The following SYT2 variants were observed in gnomAD, a reference collection of about 807,000 sequenced individuals.
SYT2 encodes synaptotagmin 2.
In SYT2, 15 loss-of-function variants were observed where a neutral mutation model predicts 39.9. The ratio of observed to expected loss-of-function variants is 0.38; its 90% CI spans 0.25 to 0.58. The LOEUF (loss-of-function observed/expected upper bound fraction) is 0.58. Ranked by LOEUF, SYT2 falls within the 20% of genes least tolerant of loss-of-function variation. SYT2 has a pLI of 0.70. For synonymous variants in SYT2, 181 were observed against 204.5 expected, an observed-to-expected ratio of 0.89 and a Z score of 0.98; for missense variants, 389 against 530.3, an observed-to-expected ratio of 0.73 and a Z score of 2.62.
chr1:202,699,015 T>TC (rs1386658021), intron 1 of SYT2, among the ~76,000 whole-genome samples: 1 of 144,920 alleles, frequency 6.9e-6, no homozygotes, highest in African/African-American at 2.5e-5. Flanking sequence ...ACTGTCTTTT[T>TC]TTTTTTTTTT....
chr1:202,658,147 C>T (rs757016139), intron 1 of SYT2, among the ~76,000 whole-genome samples: 11 of 152,048 alleles, frequency 7.2e-5, no homozygotes, highest in Admixed American at 1.3e-4. Flanking sequence ...AGGGTCCTTT[C>T]GGCTCTGATA....
At chr1:202,706,446 G>A (rs751555385) in intron 1 of SYT2, among the ~76,000 whole-genome samples, 1 of 152,120 alleles carries the variant, frequency 6.6e-6, no homozygotes, top group Non-Finnish European at 1.5e-5. Flanking sequence ...GCCAGGCACT[G>A]TTCTACACGC....
chr1:202,660,335 A>G (rs1258224016), intron 1 of SYT2, among the ~76,000 whole-genome samples: 1 of 152,222 alleles, frequency 6.6e-6, no homozygotes, highest in Non-Finnish European at 1.5e-5. Context: ...GAGGAAAAGT[A>G]ATACTTCATA....
In SYT2 at chr1:202,596,289, A is replaced by C; in HGVS notation, c.*468T>G. 1 of 100,332 alleles carries C rather than the reference A, an allele frequency of 1.0e-5. No individual in the cohort carries two copies. Among genetic ancestry groups the C allele is most frequent in the Non-Finnish European group, 1.9e-5 (1 of 51,282 alleles). 6.2% of individuals were successfully genotyped at this position (100,332 alleles called of 1,614,324 possible). On this transcript the variant is annotated 3_prime_UTR_variant, in exon 9 of 9. Transcript: ENST00000367268. ...CAAAGACACACACACACACACACAC[A>C]CACACACACACACACACATACACAC...
chr1:202,698,899 A>C (rs1654040609), intron 1 of SYT2, among the ~76,000 whole-genome samples: 1 of 152,114 alleles, frequency 6.6e-6, no homozygotes. Context: ...AGACAGGCCA[A>C]GGGAAGCACT....
chr1:202,699,488 T>C (rs1654058707), intron 1 of SYT2, among the ~76,000 whole-genome samples: 2 of 152,228 alleles, frequency 1.3e-5, no homozygotes, highest in African/African-American at 4.8e-5. Flanking sequence ...CAAACTTGAA[T>C]CTGGATGTTA....
chr1:202,667,199 G>A (rs1214750891), intron 1 of SYT2, among the ~76,000 whole-genome samples: 1 of 151,536 alleles, frequency 6.6e-6, no homozygotes, highest in East Asian at 1.9e-4. Context: ...CTAGGGCTGG[G>A]AGGAAAAAAA....
chr1:202,611,556 A>G (rs1690884725), intron 1 of SYT2, among the ~76,000 whole-genome samples: 1 of 152,020 alleles, frequency 6.6e-6, no homozygotes, highest in Admixed American at 6.5e-5. Flanking sequence ...GGGTTTTACC[A>G]TGTTGGCCAG....
intron 1 of SYT2, among the ~76,000 whole-genome samples, chr1:202,629,867 T>TGGGGGGG (rs71281826): frequency 2.5e-5 from 1 of 39,536 alleles, no homozygotes; most frequent in African/African-American, 8.7e-5. Flanking sequence ...AGGCAGCTGG[T>TGGGGGGG]GGGGGGGGGG....
chr1:202,677,581 T>C (rs573099975), intron 1 of SYT2, among the ~76,000 whole-genome samples: 1 of 152,264 alleles, frequency 6.6e-6, no homozygotes, highest in East Asian at 1.9e-4. Context: ...ATGTTGAAAG[T>C]AGATCCTCCA....
chr1:202,602,148 G>C (rs1033996384), intron 5 of SYT2, 91 bp from the exon 6 acceptor site: 284 of 1,504,372 alleles, frequency 1.9e-4, no homozygotes, highest in Non-Finnish European at 2.5e-4. Context: ...CAGCCCACAG[G>C]GTCCAGGTTA....
At chr1:202,612,096 CA>C (rs1690897581) in intron 1 of SYT2, among the ~76,000 whole-genome samples, 1 of 152,170 alleles carries the variant, frequency 6.6e-6, no homozygotes, top group South Asian at 2.1e-4. Context: ...AAGGGGTTCA[CA>C]TTCATTCGTT....
chr1:202,620,188 C>G (rs1390982946), intron 1 of SYT2, among the ~76,000 whole-genome samples: 2 of 152,242 alleles, frequency 1.3e-5, no homozygotes, highest in African/African-American at 4.8e-5. Flanking sequence ...GGCCGCTGTC[C>G]TTCTGTCTGC....
rs35072265 is a variant in SYT2 at position 202,667,466 on chromosome 1, C to CGTGTGTGTGT, written c.-18+42782_-18+42791dup. 1.4e-3 allele frequency among the ~76,000 whole-genome samples: 197 copies of CGTGTGTGTGT among 140,834 alleles called. 1 individual carries two copies. The highest frequency in any genetic ancestry group is 5.1e-3 in the African/African-American group (186 of 36,458). The allele number at this position is 140,834 out of a possible 152,430, so 92.4% of individuals were successfully genotyped here. A position where few individuals can be genotyped will look rare whatever the true frequency, so the allele number is the denominator to read the frequency against. ...TAAAGACAACAGGCAAGTGACCAGCCGTGTGTGTGTGTGTGTGTGTGTGTG... is the reference window on the plus strand; with the variant it reads ...TAAAGACAACAGGCAAGTGACCAGCCGTGTGTGTGTGTGTGTGTGTGTGTGTGTGTGTGTG... On this transcript the variant is annotated intron_variant, in intron 1 of 8. Coordinates refer to ENST00000367268, the MANE Select transcript of SYT2 (RefSeq NM_177402.5).
At chr1:202,621,257 CAAAGGAGAAAACAAAT>C (rs1691195793) in intron 1 of SYT2, among the ~76,000 whole-genome samples, 1 of 152,114 alleles carries the variant, frequency 6.6e-6, no homozygotes, top group African/African-American at 2.4e-5. Context: ...CTCAGCCTTG[CAAAGGAGAAAACAAAT>C]GAGGGGGGTT....
chr1:202,661,388 C>T (rs759914360), intron 1 of SYT2, among the ~76,000 whole-genome samples: 1 of 152,018 alleles, frequency 6.6e-6, no homozygotes, highest in Non-Finnish European at 1.5e-5. Flanking sequence ...ATGGCTTCGC[C>T]TTCCTCCCCA....
intron 1 of SYT2, among the ~76,000 whole-genome samples, chr1:202,690,856 C>A (rs1336716683): frequency 6.6e-6 from 1 of 152,134 alleles, no homozygotes; most frequent in African/African-American, 2.4e-5. Context: ...CTCTCTAAGA[C>A]CCAAAGCCTT....
At chr1:202,650,897 A>G (rs186638431) in intron 1 of SYT2, among the ~76,000 whole-genome samples, 1 of 152,180 alleles carries the variant, frequency 6.6e-6, no homozygotes, top group East Asian at 1.9e-4. Flanking sequence ...CGGGTGTTTC[A>G]GGCAAAGGGA....
intron 1 of SYT2, among the ~76,000 whole-genome samples, chr1:202,613,127 C>G (rs1256446837): frequency 8.1e-6 from 1 of 124,018 alleles, no homozygotes; most frequent in African/African-American, 3.0e-5. Context: ...GTCGCCCAGG[C>G]TGGAGAGCAG....
Sources: allele counts gnomAD v4.1 joint callset (sites outside exome capture counted in the v4.1 genomes callset), GRCh38; gene constraint gnomAD v4.1.1; transcripts MANE v1.5; gene names NCBI Gene and HGNC (gene_info 2026-07-23, HGNC 2026-07-21).